Variants in SOS1 observed in about 807,000 individuals in gnomAD.
SOS1 encodes SOS Ras/Rac guanine nucleotide exchange factor 1.
A neutral mutation model predicts 157.6 loss-of-function variants in SOS1; 25 were observed. That is an observed-to-expected ratio of 0.16 (90% CI 0.12 to 0.22). The LOEUF (loss-of-function observed/expected upper bound fraction) is 0.22, where lower values mean the gene tolerates loss of function less well. SOS1 is among the 10% of genes least tolerant of loss of function. The pLI, the probability that SOS1 is intolerant of heterozygous loss-of-function variation, is 1.00. For synonymous variants in SOS1, 528 were observed against 534.0 expected, an observed-to-expected ratio of 0.99 and a Z score of 0.16; for missense variants, 1,237 against 1,599.1, an observed-to-expected ratio of 0.77 and a Z score of 3.86.
rs1340719228 is a variant in SOS1, at chr2:39,070,416, T to C, written c.88-2663A>G. ...CCCTAATTTCCTTATTCCTTTTCCA[T>C]GTCCTTGTAGAGTTCCATATCTTCC... On this transcript the variant is annotated intron_variant, in intron 1 of 22. Transcript: ENST00000402219. Among the ~76,000 whole-genome samples the C allele has an allele frequency of 2.0e-5, 3 of 152,284 alleles. No homozygotes were observed. In the East Asian group the frequency reaches 5.8e-4, roughly 29 times the overall value.
Position 38,983,828 on chromosome 2 carries a change from T to C in SOS1, c.*1996A>G, listed in dbSNP as rs1232833244. Reference sequence around the variant, plus strand: ...ATAAATACTGTTGAATGGATGGTCTTAGGGACACTTTGCATCCAAGAGGGG... The same window carrying C: ...ATAAATACTGTTGAATGGATGGTCTCAGGGACACTTTGCATCCAAGAGGGG... On this transcript the variant is annotated 3_prime_UTR_variant, in exon 23 of 23. Transcript: ENST00000402219. 1.3e-5 allele frequency: 2 copies of C among 152,178 alleles called. No homozygotes were observed. The allele number at this position is 152,178 out of a possible 1,614,324, so 9.4% of individuals were successfully genotyped here.
At chr2:39,111,244 A>G (rs1308784394) in intron 1 of SOS1, among the ~76,000 whole-genome samples, 1 of 152,190 alleles carries the variant, frequency 6.6e-6, no homozygotes, top group Non-Finnish European at 1.5e-5. Context: ...AAAAAAAATA[A>G]TAATAATAAG....
chr2:39,045,006 T>C (rs1442154719), intron 6 of SOS1, among the ~76,000 whole-genome samples: 1 of 152,236 alleles, frequency 6.6e-6, no homozygotes, highest in African/African-American at 2.4e-5. Context: ...GGATTCCCTA[T>C]ATTACTTCTA....
intron 2 of SOS1, among the ~76,000 whole-genome samples, chr2:39,062,812 AT>A (rs1671456235): frequency 6.6e-6 from 1 of 152,016 alleles, no homozygotes; most frequent in African/African-American, 2.4e-5. Flanking sequence ...CAGGAAAAAA[AT>A]ATTAGCTTTT....
chr2:39,022,232 GA>G (rs200973591), intron 10 of SOS1, among the ~76,000 whole-genome samples: 36 of 150,764 alleles, frequency 2.4e-4, no homozygotes, highest in Middle Eastern at 3.2e-3. Context: ...AAAGAAGAAA[GA>G]AAAAAAAGAT....
intron 1 of SOS1, among the ~76,000 whole-genome samples, chr2:39,068,300 A>G (rs1572868054): frequency 6.6e-6 from 1 of 152,326 alleles, no homozygotes; most frequent in Non-Finnish European, 1.5e-5. Flanking sequence ...TACTATGGTT[A>G]CAATATGATG....
At chr2:39,078,377 A>C (rs1438392851) in intron 1 of SOS1, among the ~76,000 whole-genome samples, 1 of 152,254 alleles carries the variant, frequency 6.6e-6, no homozygotes, top group South Asian at 2.1e-4. Context: ...AATTTGGATT[A>C]AAGTTTAACA....
intron 1 of SOS1, among the ~76,000 whole-genome samples, chr2:39,105,881 C>A (rs754252247): frequency 1.3e-5 from 2 of 151,874 alleles, no homozygotes; most frequent in Non-Finnish European, 2.9e-5. Context: ...GCCTGGGCGA[C>A]AGGGTGAGAC....
Position 39,006,515 on chromosome 2 carries a change from G to A in SOS1, c.2688C>T (p.Arg896=). ...GAGCTTCTTCTAAAATTTTCTTCTG[G>A]CGACTTGGTATTTGCTATAAGGAAA... ...LDHTFEQIPS[R]QKKILEEAHE... The change falls in exon 17 of 23, where the codon CGC becomes CGT. Residue 896 remains arginine (R), a synonymous_variant. Transcript: ENST00000402219. 6.3e-7 allele frequency: 1 copy of A among 1,586,850 alleles called. No individual in the cohort carries two copies. Among genetic ancestry groups the A allele is most frequent in the Non-Finnish European group, 8.7e-7 (1 of 1,155,996 alleles).
At chr2:39,122,449 C>T (rs957590329), upstream of SOS1, among the ~76,000 whole-genome samples, 178 of 5,498 alleles carry the variant, frequency 0.032, no homozygotes, top group Admixed American at 0.17. Flanking sequence ...AAAAAATATA[C>T]ACACACACAC....
In SOS1 at chr2:39,067,576, A is replaced by G. The variant is rs549456119; in HGVS notation, c.213+52T>C. 1.9e-6 allele frequency: 3 copies of G among 1,548,214 alleles called. No homozygotes were observed. In the Admixed American group the frequency reaches 5.0e-5, roughly 26 times the overall value. On this transcript the variant is annotated intron_variant, in intron 2 of 22. Coordinates refer to ENST00000402219, the MANE Select transcript of SOS1 (RefSeq NM_005633.4). ...TTCTTTCCCTGTTCACTGACATTAC[A>G]ACCAACACACAAATTAGATATAAAG... is the stretch of plus-strand genomic sequence containing the variant.
chr2:39,058,188 T>C (rs1310487837), intron 3 of SOS1, among the ~76,000 whole-genome samples: 1 of 152,072 alleles, frequency 6.6e-6, no homozygotes, highest in African/African-American at 2.4e-5. Flanking sequence ...CTATTAGTTC[T>C]ATAGAGATTC....
At chr2:39,078,598 A>T (rs960542066) in intron 1 of SOS1, among the ~76,000 whole-genome samples, 1 of 152,124 alleles carries the variant, frequency 6.6e-6, no homozygotes, top group Non-Finnish European at 1.5e-5. Context: ...TTAGATTCTC[A>T]TTGTCATGGG....
chr2:39,069,755 C>T (rs1299885157), intron 1 of SOS1, among the ~76,000 whole-genome samples: 1 of 152,118 alleles, frequency 6.6e-6, no homozygotes, highest in Non-Finnish European at 1.5e-5. Flanking sequence ...ACCACGTTGG[C>T]CAGGCTGGTC....
chr2:39,020,253 T>G (rs1329205550), intron 10 of SOS1, among the ~76,000 whole-genome samples: 1 of 151,628 alleles, frequency 6.6e-6, no homozygotes, highest in East Asian at 1.9e-4. Context: ...GTTAAAATAT[T>G]TGAGGGATAA....
chr2:39,046,495 CTT>C (rs201639147), intron 6 of SOS1, among the ~76,000 whole-genome samples: 38 of 124,358 alleles, frequency 3.1e-4, no homozygotes, highest in African/African-American at 1.1e-3. Context: ...GAGACAGTGT[CTT>C]TTTTTTTTTT....
chr2:38,991,889 T>A (rs547317147), intron 20 of SOS1, among the ~76,000 whole-genome samples: 3 of 152,266 alleles, frequency 2.0e-5, no homozygotes, highest in Admixed American at 6.5e-5. Flanking sequence ...TAATTAATTA[T>A]AGGTTTTTAA....
chr2:39,075,387 T>A (rs1004091622), intron 1 of SOS1, among the ~76,000 whole-genome samples: 3 of 152,186 alleles, frequency 2.0e-5, no homozygotes, highest in Admixed American at 6.5e-5. Context: ...GGTTCTTGTA[T>A]TACATCTAGG....
At chr2:39,103,749 T>C (rs1240869411) in intron 1 of SOS1, among the ~76,000 whole-genome samples, 1 of 152,110 alleles carries the variant, frequency 6.6e-6, no homozygotes, top group Non-Finnish European at 1.5e-5. Context: ...ATTCTTAAGA[T>C]CTGACACAAA....
Sources: allele counts gnomAD v4.1 joint callset (sites outside exome capture counted in the v4.1 genomes callset), GRCh38; gene constraint gnomAD v4.1.1; transcripts MANE v1.5; gene names NCBI Gene and HGNC (gene_info 2026-07-23, HGNC 2026-07-21).